The following ZNF611 variants were observed in gnomAD, a reference collection of about 807,000 sequenced individuals.
The protein encoded by ZNF611 is zinc finger protein 611.
ZNF611 carries 6 observed loss-of-function variants against 8.9 expected under a neutral mutation model. The ratio of observed to expected loss-of-function variants is 0.68; its 90% CI spans 0.37 to 1.34. The LOEUF (loss-of-function observed/expected upper bound fraction) is 1.34, where lower values mean the gene tolerates loss of function less well. ZNF611 is among the 40% of genes most tolerant of loss of function. ZNF611 has a pLI of 0.02. For missense variants in ZNF611, 874 were observed against 841.3 expected (o/e 1.04, Z -0.48); for synonymous variants, 262 against 279.7 (o/e 0.94, Z 0.63).
intron 1 of ZNF611, among the ~76,000 whole-genome samples, chr19:52,733,891 G>A (rs1272113117): frequency 6.6e-6 from 1 of 151,184 alleles, no homozygotes; most frequent in African/African-American, 2.4e-5. Flanking sequence ...CCATCTCTGC[G>A]CCTCCTCTGC....
At chr19:52,723,709 C>A (rs1235513017) in intron 3 of ZNF611, 1 of 152,188 alleles carries the variant, frequency 6.6e-6, no homozygotes, top group Non-Finnish European at 1.5e-5. Context: ...CCGCACCAGC[C>A]GAGGTCTCTG....
intron 5 of ZNF611, 45 bp from the exon 6 acceptor site, chr19:52,706,909 G>A (rs760081177): frequency 1.1e-5 from 18 of 1,568,026 alleles, no homozygotes; most frequent in East Asian, 2.2e-5. Flanking sequence ...AGTACAGATG[G>A]TAAATCACAC....
At position 52,705,039 on chromosome 19, in the gene ZNF611, G is replaced by A. The variant is rs1372726059; in HGVS notation, c.2016C>T (p.His672=). The A allele has an allele frequency of 1.2e-5, 20 of 1,614,094 alleles. No homozygotes were observed. The highest frequency in any genetic ancestry group is 1.7e-4 in the Middle Eastern group (1 of 6,060). The change falls in exon 6 of 6, where the codon CAC becomes CAT. Residue 672 remains histidine, a synonymous_variant. Transcript: ENST00000652185. The part of the protein sequence containing the change: ...NSLLSRHTRI[H]TAEKPYKCNE... ...TACACTTGTAAGGTTTCTCTGCAGT[G>A]TGAATTCTGGTATGTCTTGACAGGA...
At chr19:52,725,508 G>C (rs2062385917) in intron 3 of ZNF611, among the ~76,000 whole-genome samples, 1 of 152,224 alleles carries the variant, frequency 6.6e-6, no homozygotes, top group African/African-American at 2.4e-5. Flanking sequence ...TGTATACATT[G>C]CCCTATAGCA....
intron 3 of ZNF611, chr19:52,717,720 A>C (rs771773268): frequency 3.4e-5 from 33 of 983,374 alleles, no homozygotes; most frequent in Admixed American, 1.2e-4. Context: ...ACCAGAGGGA[A>C]TTGAGGGAGA....
At chr19:52,708,524 C>T (rs2062259622) in intron 5 of ZNF611, 1 of 149,334 alleles carries the variant, frequency 6.7e-6, no homozygotes, top group Non-Finnish European at 1.5e-5. Flanking sequence ...AAAGAAAATA[C>T]ACAGCATCTT....
chr19:52,721,733 AAG>A (rs2062361479), intron 3 of ZNF611, among the ~76,000 whole-genome samples: 1 of 149,182 alleles, frequency 6.7e-6, no homozygotes, highest in African/African-American at 2.5e-5. Context: ...GGGAGAGGGA[AAG>A]GGAGAGGGAG....
At position 52,704,069 on chromosome 19, in the gene ZNF611, A is replaced by T. The variant is rs558632374; in HGVS notation, c.*868T>A. 4.2e-5 allele frequency: 9 copies of T among 216,132 alleles called. 1 individual carries two copies. The Admixed American group carries it at 4.8e-4, about 12-fold the overall frequency. 13.4% of individuals were successfully genotyped at this position (216,132 alleles called of 1,614,324 possible). A position where few individuals can be genotyped will look rare whatever the true frequency, so the allele number is the denominator to read the frequency against. On this transcript the variant is annotated 3_prime_UTR_variant, in exon 6 of 6. Coordinates refer to ENST00000652185, the MANE Select transcript of ZNF611 (RefSeq NM_001161499.2). ...TGCTGGTTTCAAACTCCTGACCTCA[A>T]GTGACCTATGTGCCTTGGCCTCCCG...
At chr19:52,725,279 G>A (rs1031880237) in intron 3 of ZNF611, among the ~76,000 whole-genome samples, 52 of 152,192 alleles carry the variant, frequency 3.4e-4, no homozygotes, top group African/African-American at 1.3e-3. Context: ...CATAGTGGGA[G>A]ACGGCGCCTT....
In ZNF611 at chr19:52,703,404, C is replaced by T. The variant is rs1004402501; in HGVS notation, c.*1533G>A. ...TTAAGCAATTCTCATGCCCCAGCCTCCCAAGTAGCTGGAACTAAAGGTGCA... is the reference window on the plus strand; with the variant it reads ...TTAAGCAATTCTCATGCCCCAGCCTTCCAAGTAGCTGGAACTAAAGGTGCA... On this transcript the variant is annotated 3_prime_UTR_variant, in exon 6 of 6. Transcript: ENST00000652185. The T allele has an allele frequency of 1.3e-5, 2 of 152,024 alleles. No individual in the cohort carries two copies. Among genetic ancestry groups the T allele is most frequent in the African/African-American group, 4.8e-5 (2 of 41,392 alleles). The allele number at this position is 152,024 out of a possible 1,614,324, so 9.4% of individuals were successfully genotyped here.
intron 5 of ZNF611, among the ~76,000 whole-genome samples, chr19:52,710,895 C>T (rs1412745072): frequency 7.6e-6 from 1 of 130,904 alleles, no homozygotes; most frequent in African/African-American, 3.2e-5. Context: ...GCCAGGCTCG[C>T]ACCAGGCATA....
intron 5 of ZNF611, among the ~76,000 whole-genome samples, chr19:52,712,145 C>T (rs1267272581): frequency 6.6e-6 from 1 of 152,042 alleles, no homozygotes; most frequent in Non-Finnish European, 1.5e-5. Context: ...AAATTGAATG[C>T]CTCTGACTTC....
At chr19:52,726,744 T>C (rs1414209582) in intron 3 of ZNF611, among the ~76,000 whole-genome samples, 2 of 151,864 alleles carry the variant, frequency 1.3e-5, no homozygotes, top group Non-Finnish European at 2.9e-5. Flanking sequence ...TTTTTTCTTT[T>C]TAAACAAAAT....
intron 1 of ZNF611, among the ~76,000 whole-genome samples, chr19:52,731,017 TC>T (rs1249973301): frequency 6.6e-6 from 1 of 152,082 alleles, no homozygotes; most frequent in African/African-American, 2.4e-5. Context: ...TGCCTCAGCC[TC>T]CCAAGTAGAT....
chr19:52,732,225 G>T (rs946671074), intron 1 of ZNF611, among the ~76,000 whole-genome samples: 1 of 151,320 alleles, frequency 6.6e-6, no homozygotes, highest in African/African-American at 2.4e-5. Flanking sequence ...AGCTGAGATC[G>T]TGCCACTGCA....
chr19:52,718,116 A>G (rs905217893), intron 3 of ZNF611, among the ~76,000 whole-genome samples: 8 of 152,082 alleles, frequency 5.3e-5, no homozygotes, highest in African/African-American at 1.9e-4. Context: ...AGGCCAGGGC[A>G]TGATCACAAG....
rs138452130 is a variant in ZNF611, at chr19:52,718,665, G to A, written c.-19-2752C>T. Among the ~76,000 whole-genome samples the A allele has an allele frequency of 2.8e-3, 421 of 152,072 alleles. 2 individuals are homozygous for A. The highest frequency in any genetic ancestry group is 9.7e-3 in the African/African-American group (401 of 41,486). On this transcript the variant is annotated intron_variant, in intron 3 of 5. Transcript: ENST00000652185. ...AATACAAAATTAGCCGGCCATGGTG[G>A]TGCGTGCCTCTAATCATAACTACTC...
At chr19:52,732,061 G>A (rs1207227045) in intron 1 of ZNF611, among the ~76,000 whole-genome samples, 1 of 151,978 alleles carries the variant, frequency 6.6e-6, no homozygotes, top group Non-Finnish European at 1.5e-5. Flanking sequence ...ACGAGGTCAG[G>A]AGATTGAGAC....
rs752220945 is a variant in ZNF611, at chr19:52,706,473, T to G, written c.582A>C (p.Gln194His). Residue 194 changes from glutamine (Q) to histidine (H), a missense_variant, in exon 6 of 6, where the codon CAA becomes CAC. By Grantham distance (24) the Gln-to-His change is conservative. Coordinates refer to ENST00000652185, the MANE Select transcript of ZNF611 (RefSeq NM_001161499.2). ...TNDAPSVSTF[Q>H]RISCRPQTQI... ...GGGTTTGGGGCCTACAGGAAATTCT[T>G]TGGAATGTTGAAACTGAGGGAGCAT... The G allele has an allele frequency of 1.9e-6, 3 of 1,614,176 alleles. No homozygotes were observed. Among genetic ancestry groups the G allele is most frequent in the South Asian group, 2.2e-5 (2 of 91,084 alleles).
Sources: gnomAD v4.1 joint callset for allele counts (sites outside exome capture counted in the v4.1 genomes callset) on GRCh38, gnomAD v4.1.1 for gene constraint, MANE v1.5 for transcripts, NCBI Gene and HGNC (gene_info 2026-07-23, HGNC 2026-07-21) for gene names.